Variants in OARD1 observed in about 807,000 individuals in gnomAD.
OARD1 encodes O-acyl-ADP-ribose deacylase 1.
OARD1 carries 19 observed loss-of-function variants against 19.7 expected under a neutral mutation model. That is an observed-to-expected ratio of 0.96 (90% CI 0.67 to 1.41). The LOEUF (loss-of-function observed/expected upper bound fraction) is 1.41. Ranked by LOEUF, OARD1 falls within the 40% of genes most tolerant of loss-of-function variation. The pLI, the probability that OARD1 is intolerant of heterozygous loss-of-function variation, is 0.00. For synonymous variants in OARD1, 70 were observed against 61.8 expected (o/e 1.13, Z -0.62); for missense variants, 190 against 183.8 (o/e 1.03, Z -0.20).
chr6:41,088,222 T>C (rs1305658134), intron 1 of OARD1, among the ~76,000 whole-genome samples: 1 of 151,528 alleles, frequency 6.6e-6, no homozygotes, highest in Non-Finnish European at 1.5e-5. Context: ...ATCGAGACCA[T>C]CCTGGTTAAC....
chr6:41,076,299 A>G (rs1346896707), upstream of OARD1, among the ~76,000 whole-genome samples: 1 of 152,200 alleles, frequency 6.6e-6, no homozygotes, highest in Non-Finnish European at 1.5e-5. Flanking sequence ...TATAAAGGTA[A>G]ATGCTGTTTC....
rs374874712 is a variant in OARD1 at position 41,065,218 on chromosome 6, T to C, written c.*2117A>G. 1 of 151,994 alleles carries C rather than the reference T, an allele frequency of 6.6e-6. No individual in the cohort carries two copies. Among genetic ancestry groups the C allele is most frequent in the Non-Finnish European group, 1.5e-5 (1 of 68,002 alleles). 9.4% of individuals were successfully genotyped at this position (151,994 alleles called of 1,614,324 possible). A position where few individuals can be genotyped will look rare whatever the true frequency, so the allele number is the denominator to read the frequency against. On this transcript the variant is annotated 3_prime_UTR_variant, in exon 6 of 6. Transcript: ENST00000424266. ...CAAGGCTCAAACGCCAAGAAAAAAA[T>C]AATAATAATAACCATAATCTCTTTA...
intron 1 of OARD1, chr6:41,079,050 AG>A: frequency 6.3e-7 from 1 of 1,598,562 alleles, no homozygotes; most frequent in African/African-American, 1.3e-5. Flanking sequence ...ACAGCCTTCT[AG>A]GATCTCCAGA....
upstream of OARD1, chr6:41,075,588 T>A (rs1763711220): frequency 6.6e-6 from 1 of 152,190 alleles, no homozygotes; most frequent in South Asian, 2.1e-4. Flanking sequence ...CATGCTGAAA[T>A]ATTTCTGTTC....
chr6:41,094,299 A>G (rs1309178761), intron 1 of OARD1: 16 of 1,005,600 alleles, frequency 1.6e-5, no homozygotes, highest in Non-Finnish European at 2.1e-5. Flanking sequence ...CTTTGATCCC[A>G]GCTGTCTTAA....
rs1206015404 is a variant in OARD1, at chr6:41,066,113, C to A, written c.*1222G>T. 6.6e-6 allele frequency: 1 copy of A among 152,118 alleles called. No homozygotes were observed. 9.4% of individuals were successfully genotyped at this position (152,118 alleles called of 1,614,324 possible). A position where few individuals can be genotyped will look rare whatever the true frequency, so the allele number is the denominator to read the frequency against. On this transcript the variant is annotated 3_prime_UTR_variant, in exon 6 of 6. Coordinates refer to ENST00000424266, the MANE Select transcript of OARD1 (RefSeq NM_001329686.2). ...AGGTTAAAAACACAAAAGTGGCCAT[C>A]CCACTCCACCACCAAATTTTTTTTT...
intron 5 of OARD1, among the ~76,000 whole-genome samples, chr6:41,068,491 T>C (rs1763142342): frequency 6.6e-6 from 1 of 152,244 alleles, no homozygotes. Flanking sequence ...CATTGCTCAG[T>C]CTTGATTCTT....
intron 1 of OARD1, among the ~76,000 whole-genome samples, chr6:41,085,728 C>T (rs1764027370): frequency 6.7e-6 from 1 of 150,292 alleles, no homozygotes; most frequent in Admixed American, 6.6e-5. Flanking sequence ...CATAATTGTA[C>T]CATGCATGTG....
intron 1 of OARD1, chr6:41,090,139 A>G (rs1347895586): frequency 3.7e-6 from 4 of 1,088,810 alleles, no homozygotes; most frequent in Non-Finnish European, 5.6e-6. Context: ...TTTTTTAAGG[A>G]CTACATCGTT....
chr6:41,088,398 G>C (rs1052581669), intron 1 of OARD1, among the ~76,000 whole-genome samples: 1 of 129,658 alleles, frequency 7.7e-6, no homozygotes, highest in South Asian at 2.4e-4. Context: ...ACTCCAGCCT[G>C]AGCCACAGAG....
intron 5 of OARD1, among the ~76,000 whole-genome samples, chr6:41,067,967 A>G (rs1326809803): frequency 6.6e-6 from 1 of 150,570 alleles, no homozygotes; most frequent in Non-Finnish European, 1.5e-5. Context: ...ATAAAACTCT[A>G]CTACTTGGCA....
At chr6:41,093,068 A>G in intron 1 of OARD1, 1 of 1,614,122 alleles carries the variant, frequency 6.2e-7, no homozygotes, top group South Asian at 1.1e-5. Flanking sequence ...AGAAGGGAAA[A>G]TTCCAAAGGA....
At position 41,071,131 on chromosome 6, in the gene OARD1, C is replaced by T. The variant is rs1327457467; in HGVS notation, c.184+1G>A. On this transcript the variant is annotated splice_donor_variant, in intron 3 of 5. Coordinates refer to ENST00000424266, the MANE Select transcript of OARD1 (RefSeq NM_001329686.2). LOFTEE classifies it high-confidence loss of function. ...CCAGGTAAGTGGTTTCCAAAACTCA[C>T]GTTGATTTAAAAGTTCTTGCACCCC... The T allele has an allele frequency of 1.2e-6, 2 of 1,614,174 alleles. No homozygotes were observed. Among genetic ancestry groups the T allele is most frequent in the Non-Finnish European group, 1.7e-6 (2 of 1,180,000 alleles).
intron 3 of OARD1, chr6:41,070,806 T>C (rs1328860720): frequency 7.6e-6 from 4 of 527,134 alleles, no homozygotes; most frequent in African/African-American, 3.9e-5. Flanking sequence ...AAATTCCTCT[T>C]TGAAGAGAAA....
At chr6:41,071,058 T>C (rs751253293) in intron 3 of OARD1, 74 bp downstream of exon 3, 9 of 1,428,914 alleles carry the variant, frequency 6.3e-6, no homozygotes, top group Non-Finnish European at 7.9e-6. Flanking sequence ...TTTACACGCA[T>C]ATTTTATTAA....
At chr6:41,094,484 G>A in intron 1 of OARD1, 3 of 1,613,642 alleles carry the variant, frequency 1.9e-6, no homozygotes, top group Non-Finnish European at 2.5e-6. Flanking sequence ...GAAAAGGATA[G>A]TCCCCATATG....
Position 41,071,186 on chromosome 6 carries a change from T to A in OARD1, c.130A>T (p.Ile44Leu). 1 of 1,614,198 alleles carries A rather than the reference T, an allele frequency of 6.2e-7. No individual in the cohort carries two copies. The highest frequency in any genetic ancestry group is 1.6e-4 in the Middle Eastern group (1 of 6,062). Residue 44 changes from isoleucine (I) to leucine (L), a missense_variant, in exon 3 of 6, where the codon ATA (isoleucine) becomes TTA (leucine). Ile to Leu is a conservative substitution (Grantham distance 5). Transcript: ENST00000424266. ...AATTTCTTCTTAAAGAGGACAGCTA[T>A]CCCAGCGCCCATGCGACAATCCTCA... ...ISEDCRMGAG[I>L]AVLFKKKFGG...
intron 1 of OARD1, among the ~76,000 whole-genome samples, chr6:41,091,358 TTA>T (rs1764193200): frequency 6.6e-6 from 1 of 152,182 alleles, no homozygotes; most frequent in Admixed American, 6.5e-5. Context: ...ATTACTTAGA[TTA>T]TATATAGCAC....
At chr6:41,075,061 G>A (rs1029196961), upstream of OARD1, among the ~76,000 whole-genome samples, 1 of 152,146 alleles carries the variant, frequency 6.6e-6, no homozygotes, top group Non-Finnish European at 1.5e-5. Flanking sequence ...TCACTTTTTA[G>A]GGTGAGTTTT....
Sources: allele counts gnomAD v4.1 joint callset (sites outside exome capture counted in the v4.1 genomes callset), GRCh38; gene constraint gnomAD v4.1.1; transcripts MANE v1.5; gene names NCBI Gene and HGNC (gene_info 2026-07-23, HGNC 2026-07-21).